The following DNAH17 variants were observed in gnomAD, a reference collection of about 807,000 sequenced individuals.
The protein encoded by DNAH17 is dynein axonemal heavy chain 17.
DNAH17 carries 376 observed loss-of-function variants against 485.6 expected under a neutral mutation model. The observed-to-expected ratio is 0.77, with a 90% confidence interval of 0.71 to 0.84. DNAH17 has a LOEUF of 0.84. Ranked by LOEUF, DNAH17 falls within the 40% of genes least tolerant of loss-of-function variation. The pLI is 0.00. For missense variants in DNAH17, 6,370 were observed against 5,839.3 expected (o/e 1.09, Z -2.96); for synonymous variants, 3,031 against 2,405.9 (o/e 1.26, Z -7.60).
rs770172607 is a variant in DNAH17 at position 78,480,793 on chromosome 17, G to A, written c.7650-7C>T. On this transcript the variant is annotated splice_polypyrimidine_tract_variant and splice_region_variant and intron_variant, in intron 48 of 80. Coordinates refer to ENST00000389840, the MANE Select transcript of DNAH17 (RefSeq NM_173628.4). ...CAGCTTATGTCTGTCATACCTGAGGGGGGAAACCAGCATTCATGTTGTGCC... is the reference window on the plus strand; with the variant it reads ...CAGCTTATGTCTGTCATACCTGAGGAGGGAAACCAGCATTCATGTTGTGCC... 1 of 1,605,632 alleles carries A rather than the reference G, an allele frequency of 6.2e-7. No individual in the cohort carries two copies.
chr17:78,552,499 T>A (rs2091924024), intron 15 of DNAH17, among the ~76,000 whole-genome samples, 198 bp downstream of exon 15: 1 of 143,846 alleles, frequency 7.0e-6, no homozygotes, highest in Non-Finnish European at 1.5e-5. Flanking sequence ...CGTTTCTAAG[T>A]GACACAGATG....
intron 45 of DNAH17, 40 bp from the exon 46 acceptor site, chr17:78,486,173 C>G (rs751172799): frequency 6.2e-7 from 1 of 1,601,642 alleles, no homozygotes; most frequent in Non-Finnish European, 8.5e-7. Context: ...CCCAGCTAAG[C>G]AGGATGCTGA....
intron 14 of DNAH17, among the ~76,000 whole-genome samples, chr17:78,553,283 G>GTTTTTTTTTTTTTTTTTTTTTT (rs60587420): frequency 2.0e-5 from 1 of 51,018 alleles, no homozygotes. Flanking sequence ...AGGTTTTTGT[G>GTTTTTTTTTTTTTTTTTTTTTT]TTTTTTTTTT....
At position 78,484,987 on chromosome 17, in the gene DNAH17, C is replaced by T. The variant is rs1049899811; in HGVS notation, c.7530G>A (p.Gly2510=). ...AGACGAGCTTCTTAGTGCCTGGCGG[C>T]CCGTAGTTCCTCCCCGATTTCTTCT... is the stretch of plus-strand genomic sequence containing the variant. ...PLEKKSGRNY[G]PPGTKKLVYF... The change falls in exon 48 of 81, where the codon GGG becomes GGA. Residue 2510 remains glycine (G), a synonymous_variant. Coordinates refer to ENST00000389840, the MANE Select transcript of DNAH17 (RefSeq NM_173628.4). 1.2e-6 allele frequency: 2 copies of T among 1,613,386 alleles called. No individual in the cohort carries two copies. Among genetic ancestry groups the T allele is most frequent in the South Asian group, 1.1e-5 (1 of 90,958 alleles).
At chr17:78,501,679 C>T in intron 34 of DNAH17, 63 bp downstream of exon 34, 2 of 1,578,180 alleles carry the variant, frequency 1.3e-6, no homozygotes, top group Non-Finnish European at 1.7e-6. Context: ...TCCCTGAATG[C>T]ACTGCCCTGA....
chr17:78,532,464 G>T lies in DNAH17; in HGVS notation c.3114+18C>A, dbSNP rs377106868. The T allele has an allele frequency of 6.3e-7, 1 of 1,593,736 alleles. No individual in the cohort carries two copies. Among genetic ancestry groups the T allele is most frequent in the Non-Finnish European group, 8.6e-7 (1 of 1,168,780 alleles). On this transcript the variant is annotated intron_variant, in intron 20 of 80. Coordinates refer to ENST00000389840, the MANE Select transcript of DNAH17 (RefSeq NM_173628.4). ...GACTCTGGAGACAAGGAGGCTGGTG[G>T]GTGAGGTCTGCACGCACCTGCTCCT... is the stretch of plus-strand genomic sequence containing the variant.
intron 1 of DNAH17, among the ~76,000 whole-genome samples, chr17:78,576,186 T>C (rs544426220): frequency 8.5e-5 from 13 of 152,344 alleles, no homozygotes; most frequent in Non-Finnish European, 1.5e-4. Context: ...TGACCCAAGC[T>C]ATTGCTTTTA....
chr17:78,538,593 A>G (rs1182010608), intron 18 of DNAH17, among the ~76,000 whole-genome samples: 8 of 152,172 alleles, frequency 5.3e-5, no homozygotes, highest in Non-Finnish European at 7.3e-5. Context: ...AGACTTCTCT[A>G]AAGACTCAGG....
intron 74 of DNAH17, among the ~76,000 whole-genome samples, chr17:78,436,913 A>T (rs2086867554): frequency 6.6e-6 from 1 of 152,160 alleles, no homozygotes; most frequent in African/African-American, 2.4e-5. Flanking sequence ...AGAAGGCTGC[A>T]TCTGGGGGAA....
rs771385249 is a variant in DNAH17, at chr17:78,434,091, T to C, written c.12163A>G (p.Asn4055Asp). ...ATGGAGATGGTGAGGTCCCCGTTGTTGAAGGGGTACGACCGGTTCCAGCCC... is the reference window on the plus strand; with the variant it reads ...ATGGAGATGGTGAGGTCCCCGTTGTCGAAGGGGTACGACCGGTTCCAGCCC... ...AQGWNRSYPF[N>D]NGDLTISINV... Residue 4055 changes from asparagine to aspartate, a missense_variant, in exon 75 of 81, where the codon AAC becomes GAC. Physicochemically the swap from Asn to Asp is conservative, Grantham distance 23 (BLOSUM62 1). Coordinates refer to ENST00000389840, the MANE Select transcript of DNAH17 (RefSeq NM_173628.4). 8 of 1,613,436 alleles carry C rather than the reference T, an allele frequency of 5.0e-6. No homozygotes were observed. Among genetic ancestry groups the C allele is most frequent in the Non-Finnish European group, 5.9e-6 (7 of 1,179,790 alleles).
At chr17:78,431,011 G>A (rs1384558879) in intron 75 of DNAH17, among the ~76,000 whole-genome samples, 4 of 149,618 alleles carry the variant, frequency 2.7e-5, no homozygotes, top group Non-Finnish European at 6.0e-5. Flanking sequence ...CTCCCAAGTA[G>A]CTGGGCCTAC....
chr17:78,498,116 G>A (rs936728406), intron 37 of DNAH17, among the ~76,000 whole-genome samples: 2 of 148,804 alleles, frequency 1.3e-5, no homozygotes, highest in Non-Finnish European at 3.0e-5. Flanking sequence ...ACTCCAGCCT[G>A]GGCAACAAGA....
chr17:78,431,203 A>G (rs2086658650), intron 75 of DNAH17, among the ~76,000 whole-genome samples: 1 of 152,154 alleles, frequency 6.6e-6, no homozygotes, highest in Admixed American at 6.5e-5. Flanking sequence ...TTTTACTCAA[A>G]ACGTTAATGT....
At chr17:78,428,372 A>G (rs894958660) in intron 77 of DNAH17, 153 bp downstream of exon 77, 2 of 918,996 alleles carry the variant, frequency 2.2e-6, no homozygotes, top group East Asian at 5.3e-5. Flanking sequence ...CCTGCGGGCC[A>G]TACCCCAGTG....
intron 68 of DNAH17, 71 bp from the exon 69 acceptor site, chr17:78,449,655 C>T: frequency 3.1e-6 from 4 of 1,307,102 alleles, no homozygotes; most frequent in Non-Finnish European, 4.2e-6. Flanking sequence ...CGCCACCACT[C>T]CCTGCCACCT....
chr17:78,505,385 C>T lies in DNAH17; in HGVS notation c.4864G>A (p.Ala1622Thr), dbSNP rs961816534. 1.9e-6 allele frequency: 3 copies of T among 1,614,006 alleles called. No individual in the cohort carries two copies. Reference protein sequence around the residue: ...SLCKLKFRLDASDKPLKVGLG... With the variant: ...SLCKLKFRLDTSDKPLKVGLG... Reference sequence around the variant, plus strand: ...CCCACCTTGAGAGGTTTGTCACTGGCATCGAGCCGGAACTTCAGTTTACAC... The same window carrying T: ...CCCACCTTGAGAGGTTTGTCACTGGTATCGAGCCGGAACTTCAGTTTACAC... Residue 1622 changes from alanine (A) to threonine (T), a missense_variant, in exon 31 of 81, where the codon GCC becomes ACC. Ala to Thr is a moderately conservative substitution (Grantham distance 58). Coordinates refer to ENST00000389840, the MANE Select transcript of DNAH17 (RefSeq NM_173628.4).
intron 13 of DNAH17, among the ~76,000 whole-genome samples, 176 bp downstream of exon 13, chr17:78,560,564 G>C (rs1323714796): frequency 6.6e-6 from 1 of 152,170 alleles, no homozygotes; most frequent in African/African-American, 2.4e-5. Context: ...TATTGTCAAA[G>C]TTGCTTCTGC....
intron 54 of DNAH17, among the ~76,000 whole-genome samples, chr17:78,473,674 G>A (rs1459269261): frequency 7.1e-6 from 1 of 141,168 alleles, no homozygotes; most frequent in Non-Finnish European, 1.5e-5. Context: ...GTACCGCTGA[G>A]GCTGAGGCTG....
Position 78,480,787 on chromosome 17 carries a change from C to G in DNAH17, c.7650-1G>C. The G allele has an allele frequency of 6.2e-7, 1 of 1,610,130 alleles. No homozygotes were observed. The highest frequency in any genetic ancestry group is 8.5e-7 in the Non-Finnish European group (1 of 1,177,906). ...TAACGTCAGCTTATGTCTGTCATACCTGAGGGGGGAAACCAGCATTCATGT... is the reference window on the plus strand; with the variant it reads ...TAACGTCAGCTTATGTCTGTCATACGTGAGGGGGGAAACCAGCATTCATGT... On this transcript the variant is annotated splice_acceptor_variant, in intron 48 of 80. Transcript: ENST00000389840. LOFTEE classifies it high-confidence loss of function.
Sources: gnomAD v4.1 joint callset for allele counts (sites outside exome capture counted in the v4.1 genomes callset) on GRCh38, gnomAD v4.1.1 for gene constraint, MANE v1.5 for transcripts, NCBI Gene and HGNC (gene_info 2026-07-23, HGNC 2026-07-21) for gene names.